HYAL4: variants seen among roughly 807,000 people sequenced by gnomAD.
The protein encoded by HYAL4 is hyaluronidase 4.
HYAL4 carries 37 observed loss-of-function variants against 35.2 expected under a neutral mutation model. The ratio of observed to expected loss-of-function variants is 1.05; its 90% CI spans 0.81 to 1.38. HYAL4 has a LOEUF of 1.38. HYAL4 is among the 40% of genes most tolerant of loss of function. The pLI, the probability that HYAL4 is intolerant of heterozygous loss-of-function variation, is 0.00. For synonymous variants in HYAL4, 198 were observed against 203.2 expected (o/e 0.97, Z 0.22); for missense variants, 572 against 572.4 (o/e 1.00, Z 0.01).
intron 1 of HYAL4, among the ~76,000 whole-genome samples, chr7:123,835,888 G>C (rs1447208537): frequency 6.6e-6 from 1 of 152,100 alleles, no homozygotes; most frequent in Non-Finnish European, 1.5e-5. Context: ...TGGTTTTAAA[G>C]CTTCCTTTTT....
chr7:123,862,225 G>A (rs1313822240), intron 2 of HYAL4, among the ~76,000 whole-genome samples: 3 of 152,096 alleles, frequency 2.0e-5, no homozygotes, highest in African/African-American at 4.8e-5. Flanking sequence ...TTCATCATTG[G>A]CAACAAAATA....
the HYAL4 span, among the ~76,000 whole-genome samples, chr7:123,813,186 T>C: frequency 6.6e-6 from 1 of 152,100 alleles, no homozygotes; most frequent in African/African-American, 2.4e-5. Flanking sequence ...CTGAGTTTAA[T>C]TATATCAGAG....
At chr7:123,854,725 T>C (rs1232851624) in intron 2 of HYAL4, among the ~76,000 whole-genome samples, 4 of 152,238 alleles carry the variant, frequency 2.6e-5, no homozygotes, top group Non-Finnish European at 4.4e-5. Context: ...GTTTTGTAGA[T>C]GTCTATTAGG....
the HYAL4 span, among the ~76,000 whole-genome samples, chr7:123,767,350 G>T: frequency 6.6e-6 from 1 of 152,086 alleles, no homozygotes; most frequent in Non-Finnish European, 1.5e-5. Flanking sequence ...TTGGTGAACT[G>T]GATCTATCTG....
the HYAL4 span, among the ~76,000 whole-genome samples, chr7:123,771,456 C>T: frequency 5.3e-5 from 8 of 151,902 alleles, no homozygotes; most frequent in African/African-American, 1.9e-4. Context: ...TAGCTTCTAC[C>T]CACTAGATGC....
intron 1 of HYAL4, among the ~76,000 whole-genome samples, chr7:123,834,791 G>C (rs1267832828): frequency 2.6e-5 from 4 of 152,060 alleles, no homozygotes; most frequent in Non-Finnish European, 5.9e-5. Flanking sequence ...AATCATAAAG[G>C]GACAATGGAT....
At chr7:123,766,191 A>G in the HYAL4 span, among the ~76,000 whole-genome samples, 1 of 152,256 alleles carries the variant, frequency 6.6e-6, no homozygotes, top group Non-Finnish European at 1.5e-5. Flanking sequence ...CTGGCATCTT[A>G]CCTATTATGA....
upstream of HYAL4, among the ~76,000 whole-genome samples, chr7:123,828,167 T>G (rs553109585): frequency 2.0e-5 from 3 of 152,246 alleles, no homozygotes; most frequent in African/African-American, 7.2e-5. Flanking sequence ...CTATATACAA[T>G]GTACAAGTAA....
the HYAL4 span, among the ~76,000 whole-genome samples, chr7:123,769,200 T>G: frequency 6.6e-6 from 1 of 152,192 alleles, no homozygotes; most frequent in African/African-American, 2.4e-5. Flanking sequence ...TCTAATTGTG[T>G]CAAGTACATG....
At chr7:123,835,839 T>G (rs1805956584) in intron 1 of HYAL4, among the ~76,000 whole-genome samples, 1 of 152,178 alleles carries the variant, frequency 6.6e-6, no homozygotes, top group South Asian at 2.1e-4. Flanking sequence ...GTTGACCCAA[T>G]GATCATTCAG....
At chr7:123,866,772 A>G (rs1276278982) in intron 2 of HYAL4, among the ~76,000 whole-genome samples, 3 of 147,708 alleles carry the variant, frequency 2.0e-5, no homozygotes, top group Non-Finnish European at 4.5e-5. Context: ...ACACCTACCT[A>G]TCTTCTCTTT....
the HYAL4 span, among the ~76,000 whole-genome samples, chr7:123,818,706 G>A: frequency 1.3e-5 from 2 of 151,966 alleles, no homozygotes; most frequent in African/African-American, 4.8e-5. Context: ...AGAATCCAAG[G>A]CAGTATCACC....
the HYAL4 span, among the ~76,000 whole-genome samples, chr7:123,767,625 A>T: frequency 6.6e-6 from 1 of 152,340 alleles, no homozygotes; most frequent in African/African-American, 2.4e-5. Context: ...AGAGCAAAAA[A>T]GTCTTAGGTC....
chr7:123,850,266 G>A (rs1806274272), intron 2 of HYAL4, among the ~76,000 whole-genome samples: 1 of 152,144 alleles, frequency 6.6e-6, no homozygotes, highest in African/African-American at 2.4e-5. Context: ...TGTTGAGACA[G>A]GGTCTCACTC....
chr7:123,778,126 C>T, the HYAL4 span, among the ~76,000 whole-genome samples: 1 of 150,868 alleles, frequency 6.6e-6, no homozygotes, highest in East Asian at 1.9e-4. Flanking sequence ...ATTTGCTTTA[C>T]CATTCCATAC....
At chr7:123,796,730 T>C in the HYAL4 span, among the ~76,000 whole-genome samples, 3 of 152,132 alleles carry the variant, frequency 2.0e-5, no homozygotes, top group African/African-American at 4.8e-5. Context: ...GTAGTATATA[T>C]ATACAATGGA....
At chr7:123,852,762 A>T (rs947241224) in intron 2 of HYAL4, among the ~76,000 whole-genome samples, 1 of 152,096 alleles carries the variant, frequency 6.6e-6, no homozygotes, top group Non-Finnish European at 1.5e-5. Context: ...AGTTTTTTCT[A>T]CTTCTGTGAA....
At chr7:123,799,257 G>A in the HYAL4 span, among the ~76,000 whole-genome samples, 1 of 151,688 alleles carries the variant, frequency 6.6e-6, no homozygotes, top group Non-Finnish European at 1.5e-5. Context: ...CTTTATTGTA[G>A]ATTTCCCTTT....
At chr7:123,771,520 C>A in the HYAL4 span, among the ~76,000 whole-genome samples, 1 of 152,128 alleles carries the variant, frequency 6.6e-6, no homozygotes, top group African/African-American at 2.4e-5. Flanking sequence ...CTCTTCAGCT[C>A]ATCATTCACA....
Sources: allele counts gnomAD v4.1 joint callset (sites outside exome capture counted in the v4.1 genomes callset), GRCh38; gene constraint gnomAD v4.1.1; transcripts MANE v1.5; gene names NCBI Gene and HGNC (gene_info 2026-07-23, HGNC 2026-07-21).